The following RAB38 variants were observed in gnomAD, a reference collection of about 807,000 sequenced individuals.
The protein encoded by RAB38 is ras-related protein Rab-38.
A neutral mutation model predicts 18.4 loss-of-function variants in RAB38; 15 were observed. The ratio of observed to expected loss-of-function variants is 0.82; its 90% confidence interval spans 0.55 to 1.26. The LOEUF (loss-of-function observed/expected upper bound fraction) is 1.26. Among genes scored for constraint, RAB38 ranks in the 50% most tolerant of loss-of-function variants. The pLI, the probability that RAB38 is intolerant of heterozygous loss-of-function variation, is 0.00. For missense variants in RAB38, 294 were observed against 267.4 expected, an observed-to-expected ratio of 1.10 and a Z score of -0.69; for synonymous variants, 101 against 104.4, an observed-to-expected ratio of 0.97 and a Z score of 0.20.
At chr11:88,059,725 G>A in the RAB38 span, among the ~76,000 whole-genome samples, 92,749 of 151,804 alleles carry the variant, frequency 0.61, 29,101 homozygotes, top group Non-Finnish European at 0.68. Flanking sequence ...TGGCCTCAGG[G>A]CAGGCTCTCC....
At chr11:88,037,246 AATAATCTC>A in the RAB38 span, among the ~76,000 whole-genome samples, 1 of 152,064 alleles carries the variant, frequency 6.6e-6, no homozygotes, top group Non-Finnish European at 1.5e-5. Context: ...GTTTACCTGT[AATAATCTC>A]ATAAGTTTGT....
At chr11:87,930,546 C>T in the RAB38 span, among the ~76,000 whole-genome samples, 1 of 152,128 alleles carries the variant, frequency 6.6e-6, no homozygotes, top group Non-Finnish European at 1.5e-5. Context: ...CTTTCTTTTG[C>T]TGTGCAGAAA....
At chr11:88,067,929 A>G in the RAB38 span, among the ~76,000 whole-genome samples, 1 of 148,888 alleles carries the variant, frequency 6.7e-6, no homozygotes, top group Admixed American at 6.7e-5. Context: ...ATATATATAT[A>G]CACACACACA....
chr11:88,079,529 A>T, the RAB38 span, among the ~76,000 whole-genome samples: 1 of 151,862 alleles, frequency 6.6e-6, no homozygotes, highest in East Asian at 1.9e-4. Context: ...GAATTTGAAG[A>T]AGATGGAATA....
At chr11:88,135,856 T>C (rs981680122) in intron 2 of RAB38, among the ~76,000 whole-genome samples, 2 of 152,220 alleles carry the variant, frequency 1.3e-5, no homozygotes, top group Non-Finnish European at 2.9e-5. Context: ...TCCTCTTTCA[T>C]TTTGAGAACC....
the RAB38 span, among the ~76,000 whole-genome samples, chr11:88,014,881 C>T: frequency 2.6e-5 from 4 of 152,054 alleles, no homozygotes; most frequent in African/African-American, 7.2e-5. Flanking sequence ...CAGTGAAGGA[C>T]GGCAGGGCTT....
At chr11:88,075,859 T>G in the RAB38 span, among the ~76,000 whole-genome samples, 2 of 147,454 alleles carry the variant, frequency 1.4e-5, no homozygotes, top group South Asian at 2.1e-4. Flanking sequence ...CCAGCCTGAG[T>G]GATAGAGCAA....
chr11:87,857,895 T>C, the RAB38 span, among the ~76,000 whole-genome samples: 91 of 152,352 alleles, frequency 6.0e-4, 1 homozygote, highest in African/African-American at 2.1e-3. Context: ...ATTTTGGCTT[T>C]TGTTGCCACT....
chr11:88,073,949 T>C, the RAB38 span, among the ~76,000 whole-genome samples: 1 of 151,046 alleles, frequency 6.6e-6, no homozygotes, highest in Non-Finnish European at 1.5e-5. Flanking sequence ...GAAAAATCAG[T>C]GAGCTTGAAT....
At chr11:87,885,363 A>T in the RAB38 span, among the ~76,000 whole-genome samples, 2,385 of 103,694 alleles carry the variant, frequency 0.023, 317 homozygotes, top group Admixed American at 0.13. Flanking sequence ...TTGGATTCAG[A>T]TGTACTGGGT....
At chr11:88,023,316 A>G in the RAB38 span, among the ~76,000 whole-genome samples, 1 of 151,898 alleles carries the variant, frequency 6.6e-6, no homozygotes, top group Admixed American at 6.6e-5. Context: ...AGTAACAAAT[A>G]AAATTAAATA....
the RAB38 span, among the ~76,000 whole-genome samples, chr11:87,978,037 A>G: frequency 1.9e-5 from 2 of 104,278 alleles, no homozygotes; most frequent in African/African-American, 7.6e-5. Flanking sequence ...ACACATACAT[A>G]ATACATCTAT....
the RAB38 span, among the ~76,000 whole-genome samples, chr11:88,056,049 A>G: frequency 6.6e-6 from 1 of 151,932 alleles, no homozygotes; most frequent in African/African-American, 2.4e-5. Context: ...GGGGCAGTTT[A>G]TACATAATAA....
At chr11:88,143,136 T>C (rs74456215) in intron 2 of RAB38, among the ~76,000 whole-genome samples, 1,882 of 152,344 alleles carry the variant, frequency 0.012, 44 homozygotes, top group African/African-American at 0.043. Flanking sequence ...TCCTGACTCT[T>C]TGACATACCG....
At chr11:88,107,108 C>CT in the RAB38 span, among the ~76,000 whole-genome samples, 1 of 152,022 alleles carries the variant, frequency 6.6e-6, no homozygotes, top group African/African-American at 2.4e-5. Context: ...TGTGGTTCCA[C>CT]TTTTTTTTCT....
chr11:88,053,800 T>A, the RAB38 span, among the ~76,000 whole-genome samples: 25 of 151,836 alleles, frequency 1.6e-4, 1 homozygote, highest in African/African-American at 5.3e-4. Context: ...GCTTTTTTTT[T>A]TTTTTTATTT....
At chr11:88,032,327 C>T in the RAB38 span, among the ~76,000 whole-genome samples, 18 of 152,136 alleles carry the variant, frequency 1.2e-4, no homozygotes, top group African/African-American at 1.9e-4. Context: ...TGGGCAAGGA[C>T]TTCATGTCTA....
chr11:88,075,894 C>CAA, the RAB38 span, among the ~76,000 whole-genome samples: 95 of 127,308 alleles, frequency 7.5e-4, no homozygotes, highest in African/African-American at 2.5e-3. Context: ...AAAAAGAAAA[C>CAA]AAAAAAAAAA....
chr11:87,894,031 G>T, the RAB38 span, among the ~76,000 whole-genome samples: 1 of 151,594 alleles, frequency 6.6e-6, no homozygotes, highest in African/African-American at 2.4e-5. Context: ...ACAACATTGA[G>T]TCTTCCAATC....
Sources: allele counts gnomAD v4.1 joint callset (sites outside exome capture counted in the v4.1 genomes callset), GRCh38; gene constraint gnomAD v4.1.1; transcripts MANE v1.5; gene names NCBI Gene and HGNC (gene_info 2026-07-23, HGNC 2026-07-21).